Variants in GFM2 observed in about 807,000 individuals in gnomAD.
GFM2 encodes the protein GTP dependent ribosome recycling factor mitochondrial 2, also known as ribosome-releasing factor 2, mitochondrial.
A neutral mutation model predicts 95.4 loss-of-function variants in GFM2; 72 were observed. The observed-to-expected ratio is 0.76, with a 90% CI of 0.62 to 0.92. The LOEUF is 0.92. Ranked by LOEUF, GFM2 falls within the 40% of genes least tolerant of loss-of-function variation. The pLI, the probability that GFM2 is intolerant of heterozygous loss-of-function variation, is 0.00. For missense variants in GFM2, 825 were observed against 924.1 expected, an observed-to-expected ratio of 0.89 and a Z score of 1.39; for synonymous variants, 276 against 317.5, an observed-to-expected ratio of 0.87 and a Z score of 1.39.
At chr5:74,766,282 C>A (rs998589419) in intron 1 of GFM2, among the ~76,000 whole-genome samples, 3 of 152,142 alleles carry the variant, frequency 2.0e-5, no homozygotes, top group Non-Finnish European at 4.4e-5. Flanking sequence ...CCAGCCTGGG[C>A]GACTGGGCGA....
rs940426339 is a variant in GFM2 at position 74,767,070 on chromosome 5, G to C, written c.-157C>G. ...TAGGCAAAAGGCAATGTATCTAAAC[G>C]AAAAGAAAATAGGCTTTCTCCGCTC... On this transcript the variant is annotated 5_prime_UTR_variant, in exon 1 of 21. Transcript: ENST00000296805. 1 of 422,140 alleles carries C rather than the reference G, an allele frequency of 2.4e-6. No individual in the cohort carries two copies. The highest frequency in any genetic ancestry group is 4.4e-6 in the Non-Finnish European group (1 of 229,262). The allele number at this position is 422,140 out of a possible 1,614,324, so 26.1% of individuals were successfully genotyped here.
At chr5:74,765,090 A>G in intron 1 of GFM2, 1 of 1,258,110 alleles carries the variant, frequency 7.9e-7, no homozygotes. Flanking sequence ...CTGGCCTTGA[A>G]TCCATTCCCT....
intron 5 of GFM2, among the ~76,000 whole-genome samples, chr5:74,753,159 A>G (rs1322196367): frequency 6.6e-6 from 1 of 152,224 alleles, no homozygotes; most frequent in Admixed American, 6.5e-5. Context: ...AAAACTGTTT[A>G]AATATTACAG....
intron 16 of GFM2, among the ~76,000 whole-genome samples, chr5:74,731,985 C>T (rs1293219352): frequency 5.3e-5 from 8 of 150,958 alleles, no homozygotes; most frequent in African/African-American, 7.3e-5. Context: ...GACAGGGTCT[C>T]GCTCTGTCAC....
At chr5:74,728,798 C>T (rs1317614275) in intron 17 of GFM2, among the ~76,000 whole-genome samples, 1 of 124,170 alleles carries the variant, frequency 8.1e-6, no homozygotes, top group Non-Finnish European at 1.6e-5. Context: ...ACTCTGTTGC[C>T]TGGGTTGGAG....
intron 15 of GFM2, among the ~76,000 whole-genome samples, chr5:74,735,448 G>A (rs1742784264): frequency 6.6e-6 from 1 of 152,172 alleles, no homozygotes; most frequent in South Asian, 2.1e-4. Flanking sequence ...GATTGCTTTT[G>A]TTCTCCCATA....
chr5:74,721,895 T>G (rs1749905317), intron 20 of GFM2, 112 bp from the exon 21 acceptor site: 5 of 975,456 alleles, frequency 5.1e-6, no homozygotes, highest in African/African-American at 1.7e-5. Flanking sequence ...CTTTTGTGGC[T>G]TAGCCATATC....
intron 14 of GFM2, 140 bp downstream of exon 14, chr5:74,738,178 T>C: frequency 3.1e-6 from 2 of 651,702 alleles, no homozygotes; most frequent in South Asian, 2.0e-5. Flanking sequence ...TTCAGCCATG[T>C]TGACAAATAT....
Position 74,738,592 on chromosome 5 carries a change from T to C in GFM2, c.1130A>G (p.Asp377Gly). The C allele has an allele frequency of 6.2e-7, 1 of 1,613,662 alleles. No individual in the cohort carries two copies. Among genetic ancestry groups the C allele is most frequent in the Non-Finnish European group, 8.5e-7 (1 of 1,179,714 alleles). ...LCALAFKVLH[D>G]KQRGPLVFMR... ...AAAAACCAGTGGTCCTCGCTGCTTG[T>C]CATGGAGAACTTTAAATGCCAATGC... The change falls in exon 13 of 21, where the codon GAC (aspartate) becomes GGC (glycine). Residue 377 changes from aspartate to glycine, a missense_variant. By Grantham distance (94) the Asp-to-Gly change is moderately conservative (BLOSUM62 -1). Transcript: ENST00000296805.
intron 16 of GFM2, among the ~76,000 whole-genome samples, chr5:74,732,184 C>A (rs960307166): frequency 7.5e-6 from 1 of 133,304 alleles, no homozygotes; most frequent in Non-Finnish European, 1.5e-5. Context: ...GTTGCCCAGG[C>A]TGGTCTTGAA....
chr5:74,760,980 A>G lies in GFM2; in HGVS notation c.70T>C (p.Cys24Arg). 6.3e-7 allele frequency: 1 copy of G among 1,579,542 alleles called. No individual in the cohort carries two copies. Among genetic ancestry groups the G allele is most frequent in the South Asian group, 1.1e-5 (1 of 88,966 alleles). Reference protein sequence around the residue: ...TIPSVYINNICCYKIRASLKR... With the variant: ...TIPSVYINNIRCYKIRASLKR... ...AAACTTGCTCTTATTTTATAGCAGC[A>G]TATATTCTAGTAAAGAGAAAAAGAA... Residue 24 changes from cysteine (C) to arginine (R), a missense_variant, in exon 3 of 21, where the codon TGC (cysteine) becomes CGC (arginine). By Grantham distance (180) the Cys-to-Arg change is radical. Coordinates refer to ENST00000296805, the MANE Select transcript of GFM2 (RefSeq NM_032380.5).
At position 74,725,692 on chromosome 5, in the gene GFM2, G is replaced by C; in HGVS notation, c.1976C>G (p.Pro659Arg). 1 of 1,613,910 alleles carries C rather than the reference G, an allele frequency of 6.2e-7. No individual in the cohort carries two copies. Among genetic ancestry groups the C allele is most frequent in the Non-Finnish European group, 8.5e-7 (1 of 1,179,892 alleles). ...AGAAATCATAGTTGTGGAGGTGCCA[G>C]GATGAATTGTCAGGGAATGTAAAGT... ...AITLHSLTIH[P>R]GTSTTMISAC... Residue 659 changes from proline (P) to arginine (R), a missense_variant, in exon 19 of 21, where the codon CCT (proline) becomes CGT (arginine). By Grantham distance (103) the Pro-to-Arg change is moderately radical (BLOSUM62 -2). Transcript: ENST00000296805.
intron 11 of GFM2, among the ~76,000 whole-genome samples, chr5:74,740,977 T>C (rs1743080082): frequency 6.6e-6 from 1 of 152,176 alleles, no homozygotes; most frequent in Non-Finnish European, 1.5e-5. Context: ...CCAAATTCCA[T>C]GGGGAAAGTC....
chr5:74,751,463 A>G lies in GFM2; in HGVS notation c.335T>C (p.Phe112Ser). The G allele has an allele frequency of 6.2e-7, 1 of 1,610,290 alleles. No individual in the cohort carries two copies. Among genetic ancestry groups the G allele is most frequent in the Admixed American group, 1.7e-5 (1 of 60,000 alleles). ...GCCTCTTTCTCGCTCTTGGGCCATG[A>G]AATCTGTCACTGTGTCTCCATCATC... ...DVDDGDTVTD[F>S]MAQERERGIT... is the part of the protein sequence containing the mutation. The change falls in exon 6 of 21, where the codon TTC (phenylalanine) becomes TCC (serine). Residue 112 changes from phenylalanine to serine, a missense_variant. Physicochemically the swap from Phe to Ser is radical, Grantham distance 155. Transcript: ENST00000296805.
In GFM2 at chr5:74,741,680, A is replaced by G. The variant is rs73114783; in HGVS notation, c.850-71T>C. The stretch of plus-strand genomic sequence containing the variant: ...TTAACTATTAATTTGTCCAAACACC[A>G]TAAACAGACAATATTCAAATATTTC... On this transcript the variant is annotated intron_variant, in intron 10 of 20. Coordinates refer to ENST00000296805, the MANE Select transcript of GFM2 (RefSeq NM_032380.5). 5,259 of 734,976 alleles carry G rather than the reference A, an allele frequency of 7.2e-3. 211 individuals are homozygous for G. In the African/African-American group the frequency reaches 0.084, roughly 12 times the overall value. The allele number at this position is 734,976 out of a possible 1,614,324, so 45.5% of individuals were successfully genotyped here. A position where few individuals can be genotyped will look rare whatever the true frequency, so the allele number is the denominator to read the frequency against.
chr5:74,758,625 C>T (rs145277001), intron 5 of GFM2, among the ~76,000 whole-genome samples: 3 of 152,234 alleles, frequency 2.0e-5, no homozygotes, highest in East Asian at 1.9e-4. Context: ...TCTGAGTAGA[C>T]GAGTGTCCAG....
chr5:74,722,283 T>C, intron 20 of GFM2, 96 bp downstream of exon 20: 1 of 984,556 alleles, frequency 1.0e-6, no homozygotes, highest in Non-Finnish European at 1.5e-6. Context: ...AATCAAAGCC[T>C]TAATGTTTCT....
intron 14 of GFM2, 129 bp from the exon 15 acceptor site, chr5:74,737,114 A>C: frequency 1.2e-6 from 1 of 836,332 alleles, no homozygotes. Flanking sequence ...AGAGAAATAA[A>C]ATTCAAAAAG....
chr5:74,758,821 G>A (rs756643208), intron 5 of GFM2, 28 bp downstream of exon 5: 2 of 1,330,780 alleles, frequency 1.5e-6, no homozygotes, highest in East Asian at 2.3e-5. Context: ...CTAATGGGGG[G>A]GTGGGAAGAG....
Sources: gnomAD v4.1 joint callset for allele counts (sites outside exome capture counted in the v4.1 genomes callset) on GRCh38, gnomAD v4.1.1 for gene constraint, MANE v1.5 for transcripts, NCBI Gene and HGNC (gene_info 2026-07-23, HGNC 2026-07-21) for gene names.